GCC2: variants seen among roughly 807,000 people sequenced by gnomAD.
The protein encoded by GCC2 is GRIP and coiled-coil domain-containing protein 2.
GCC2 carries 120 observed loss-of-function variants against 210.6 expected under a neutral mutation model. That is an observed-to-expected ratio of 0.57 (90% CI 0.49 to 0.66). GCC2 has a LOEUF of 0.66. Among genes scored for constraint, GCC2 ranks in the 30% least tolerant of loss-of-function variants. The pLI is 0.00. For synonymous variants in GCC2, 703 were observed against 652.7 expected, an observed-to-expected ratio of 1.08 and a Z score of -1.17; for missense variants, 1,868 against 1,871.9, an observed-to-expected ratio of 1.00 and a Z score of 0.04.
intron 22 of GCC2, among the ~76,000 whole-genome samples, chr2:108,503,545 T>G (rs2919200): frequency 6.6e-6 from 1 of 152,148 alleles, no homozygotes; most frequent in African/African-American, 2.4e-5. Flanking sequence ...AGGGGCATTT[T>G]GTTACCAAGG....
At chr2:108,449,560 A>G in intron 1 of GCC2, 73 bp from the exon 2 acceptor site, 3 of 1,440,734 alleles carry the variant, frequency 2.1e-6, no homozygotes, top group South Asian at 1.1e-5. Context: ...TTTTCCCTGT[A>G]AGGGTTCTAC....
In GCC2 at chr2:108,470,758, A is replaced by G. The variant is rs753899949; in HGVS notation, c.1429A>G (p.Ile477Val). 6 of 1,613,632 alleles carry G rather than the reference A, an allele frequency of 3.7e-6. No individual in the cohort carries two copies. The highest frequency in any genetic ancestry group is 1.7e-4 in the Middle Eastern group (1 of 6,060). Reference protein sequence around the residue: ...ENLQQEKQEAILNYESLREIM... With the variant: ...ENLQQEKQEAVLNYESLREIM... ...CCTACAGCAAGAAAAGCAAGAAGCA[A>G]TTTTAAATTATGAGAGTTTACGAGA... Residue 477 changes from isoleucine (I) to valine (V), a missense_variant, in exon 6 of 23, where the codon ATT (isoleucine) becomes GTT (valine). Coordinates refer to ENST00000309863, the MANE Select transcript of GCC2 (RefSeq NM_181453.4).
chr2:108,473,969 C>T (rs180869475), intron 7 of GCC2, among the ~76,000 whole-genome samples: 19 of 150,920 alleles, frequency 1.3e-4, no homozygotes, highest in South Asian at 4.2e-4. Context: ...CTGGCTAACA[C>T]GGTGAAACCC....
intron 4 of GCC2, among the ~76,000 whole-genome samples, chr2:108,464,373 G>A (rs902612462): frequency 6.6e-6 from 1 of 152,228 alleles, no homozygotes; most frequent in Non-Finnish European, 1.5e-5. Flanking sequence ...TGCCGGGCAA[G>A]ACATAATCCA....
chr2:108,476,392 A>C (rs188477445), intron 9 of GCC2, among the ~76,000 whole-genome samples: 1 of 152,124 alleles, frequency 6.6e-6, no homozygotes, highest in Non-Finnish European at 1.5e-5. Context: ...TTATAAAAGT[A>C]AAATTTTGTT....
chr2:108,456,150 A>G (rs1230397818), intron 4 of GCC2, among the ~76,000 whole-genome samples: 9 of 152,018 alleles, frequency 5.9e-5, no homozygotes, highest in African/African-American at 2.2e-4. Context: ...AAGCCTGGCT[A>G]ATTTTTTGTA....
intron 22 of GCC2, among the ~76,000 whole-genome samples, chr2:108,501,106 C>T (rs1428803913): frequency 1.3e-5 from 2 of 151,848 alleles, no homozygotes; most frequent in Non-Finnish European, 2.9e-5. Flanking sequence ...AGCGATTCTC[C>T]TGCCTCAGCC....
Position 108,450,892 on chromosome 2 carries a change from T to A in GCC2, c.64-136T>A. ...GCGAGACTCTGTCTCAAAAAAAAAA[T>A]GTGGAACAAAGTATGCGGTTGGCAT... On this transcript the variant is annotated intron_variant, in intron 2 of 22. Transcript: ENST00000309863. The A allele has an allele frequency of 4.8e-6, 3 of 628,856 alleles. No individual in the cohort carries two copies. In the Admixed American group the frequency reaches 8.7e-5, roughly 18 times the overall value. The allele number at this position is 628,856 out of a possible 1,614,324, so 39.0% of individuals were successfully genotyped here.
In GCC2 at chr2:108,471,627, G is replaced by A. The variant is rs755370564; in HGVS notation, c.2298G>A (p.Met766Ile). Residue 766 changes from methionine to isoleucine, a missense_variant, in exon 6 of 23, where the codon ATG becomes ATA. This residue lies in a region of GCC2 where 1,847 missense variants were observed against 1,765.2 expected (regional missense o/e 1.05). Transcript: ENST00000309863. ...AGTTGTATGGTTTTCTTAAAGAAAT[G>A]GGATCAGAAGTTTCAGAAGACAGTG... ...KTQLYGFLKE[M>I]GSEVSEDSEE... 6.8e-6 allele frequency: 11 copies of A among 1,613,346 alleles called. No homozygotes were observed. Among genetic ancestry groups the A allele is most frequent in the Admixed American group, 1.7e-5 (1 of 59,970 alleles).
At position 108,495,370 on chromosome 2, in the gene GCC2, T is replaced by C; in HGVS notation, c.4527T>C (p.Thr1509=). 6.3e-7 allele frequency: 1 copy of C among 1,578,186 alleles called. No individual in the cohort carries two copies. The highest frequency in any genetic ancestry group is 2.3e-4 in the Middle Eastern group (1 of 4,390). ...ACCTCCCGCTTCTAGACATGCACAC[T>C]GTAACCCGGGAAGAGGGAGAAGGCA... ...NTDLPLLDMH[T]VTREEGEGME... is the part of the protein sequence containing the mutation. The change falls in exon 20 of 23, where the codon ACT becomes ACC. Residue 1509 remains threonine, a synonymous_variant. Transcript: ENST00000309863.
chr2:108,485,643 A>G lies in GCC2; in HGVS notation c.3621A>G (p.Leu1207=). 1.3e-6 allele frequency: 2 copies of G among 1,512,126 alleles called. No homozygotes were observed. Among genetic ancestry groups the G allele is most frequent in the South Asian group, 1.3e-5 (1 of 79,080 alleles). The allele number at this position is 1,512,126 out of a possible 1,614,324, so 93.7% of individuals were successfully genotyped here. ...QETLQEEITS[L]QSSVQQYEEK... ...AATTATTTCTTGTGCTAGCTTCATT[A>G]CAGTCTTCAGTACAACAATATGAAG... The change falls in exon 14 of 23, where the codon TTA becomes TTG. Residue 1207 remains leucine (L), a synonymous_variant. Transcript: ENST00000309863.
At chr2:108,507,415 C>A (rs1159363260) in intron 22 of GCC2, 145 bp from the exon 23 acceptor site, 4 of 365,978 alleles carry the variant, frequency 1.1e-5, no homozygotes, top group Admixed American at 4.8e-5. Flanking sequence ...ACCCCCCCCC[C>A]CAAAAAAAAG....
chr2:108,484,351 A>G lies in GCC2; in HGVS notation c.3613+40A>G, dbSNP rs1682022391. ...ATTCACTTTACTTTTTAATTATTTC[A>G]TCATAACAACTTGATTTGGTGGGGG... On this transcript the variant is annotated intron_variant, in intron 13 of 22. Transcript: ENST00000309863. The G allele has an allele frequency of 4.2e-6, 5 of 1,188,260 alleles. No homozygotes were observed. In the Admixed American group the frequency reaches 1.1e-4, roughly 26 times the overall value. 73.6% of individuals were successfully genotyped at this position (1,188,260 alleles called of 1,614,324 possible).
Position 108,471,195 on chromosome 2 carries a change from A to G in GCC2, c.1866A>G (p.Arg622=), listed in dbSNP as rs1178521867. Residue 622 remains arginine, a synonymous_variant, in exon 6 of 23, where the codon AGA becomes AGG. Transcript: ENST00000309863. ...NFHKKCEREE[R]LILELGKKVE... ...ATAAGAAATGTGAAAGGGAAGAAAGATTGATTCTTGAACTTGGGAAGAAAG... is the reference window on the plus strand; with the variant it reads ...ATAAGAAATGTGAAAGGGAAGAAAGGTTGATTCTTGAACTTGGGAAGAAAG... 1 of 1,604,826 alleles carries G rather than the reference A, an allele frequency of 6.2e-7. No homozygotes were observed. The highest frequency in any genetic ancestry group is 1.1e-5 in the South Asian group (1 of 88,748).
intron 4 of GCC2, among the ~76,000 whole-genome samples, chr2:108,461,304 C>G (rs76575850): frequency 6.7e-6 from 1 of 148,712 alleles, no homozygotes; most frequent in Non-Finnish European, 1.5e-5. Flanking sequence ...TTTTTTTTTC[C>G]TCTTTGCTGT....
Position 108,449,227 on chromosome 2 carries a change from T to C in GCC2, c.-48T>C, listed in dbSNP as rs1454919416. ...CGTCAGAGGCTGGCGCAAACAGAAG[T>C]GCAGCGGTGGCGGCGGCTGGTTGCG... On this transcript the variant is annotated 5_prime_UTR_variant, in exon 1 of 23. Transcript: ENST00000309863. 1.2e-5 allele frequency: 19 copies of C among 1,541,958 alleles called. No individual in the cohort carries two copies. The South Asian group carries it at 1.8e-4, about 15-fold the overall frequency.
Position 108,452,453 on chromosome 2 carries a change from G to T in GCC2, c.203G>T (p.Gly68Val), listed in dbSNP as rs894902332. The T allele has an allele frequency of 1.3e-6, 2 of 1,539,450 alleles. No homozygotes were observed. The highest frequency in any genetic ancestry group is 3.3e-5 in the Admixed American group (2 of 59,734). Residue 68 changes from glycine to valine, a missense_variant, in exon 4 of 23, where the codon GGT (glycine) becomes GTT (valine). Physicochemically the swap from Gly to Val is moderately radical, Grantham distance 109. This residue lies in a region of GCC2 where 1,847 missense variants were observed against 1,765.2 expected (regional missense o/e 1.05). Coordinates refer to ENST00000309863, the MANE Select transcript of GCC2 (RefSeq NM_181453.4). ...LRSKPVTEGT[G>V]DIIKALTERL... ...TCAAAACCTGTTACTGAAGGAACTGGTGATATTATTAAGGTAATTATTACG... is the reference window on the plus strand; with the variant it reads ...TCAAAACCTGTTACTGAAGGAACTGTTGATATTATTAAGGTAATTATTACG...
chr2:108,481,730 C>G lies in GCC2; in HGVS notation c.3094C>G (p.Gln1032Glu). Residue 1032 changes from glutamine to glutamate, a missense_variant, in exon 10 of 23, where the codon CAA becomes GAA. By Grantham distance (29) the Gln-to-Glu change is conservative. Around this residue, in one of 3 missense-constraint regions of GCC2, gnomAD observed 1,847 missense variants for 1,765.2 expected, o/e 1.05. Coordinates refer to ENST00000309863, the MANE Select transcript of GCC2 (RefSeq NM_181453.4). Reference protein sequence around the residue: ...LLLEYEKQSEQLDVEKERANN... With the variant: ...LLLEYEKQSEELDVEKERANN... ...ATTAGAATATGAAAAGCAGTCAGAG[C>G]AACTGGATGTGGAAAAAGAACGTGC... 1 of 1,600,874 alleles carries G rather than the reference C, an allele frequency of 6.2e-7. No homozygotes were observed. The highest frequency in any genetic ancestry group is 1.1e-5 in the South Asian group (1 of 89,404).
intron 4 of GCC2, among the ~76,000 whole-genome samples, chr2:108,463,220 T>C (rs1242120136): frequency 6.6e-6 from 1 of 152,214 alleles, no homozygotes; most frequent in Non-Finnish European, 1.5e-5. Context: ...TTGAGATCTG[T>C]TGCTAGAGAA....
Sources: gnomAD v4.1 joint callset for allele counts (sites outside exome capture counted in the v4.1 genomes callset) on GRCh38, gnomAD v4.1.1 for gene constraint, gnomAD v4.1.1 regional missense constraint, MANE v1.5 for transcripts, NCBI Gene and HGNC (gene_info 2026-07-23, HGNC 2026-07-21) for gene names.